TTC13: variants seen among roughly 807,000 people sequenced by gnomAD.
TTC13 encodes tetratricopeptide repeat domain 13.
Under a neutral mutation model 120.0 loss-of-function variants are expected in TTC13, and 62 were observed. The observed-to-expected ratio is 0.52, with a 90% CI of 0.42 to 0.64. The LOEUF (loss-of-function observed/expected upper bound fraction) is 0.64. Ranked by LOEUF, TTC13 falls within the 30% of genes least tolerant of loss-of-function variation. The pLI, the probability that TTC13 is intolerant of heterozygous loss-of-function variation, is 0.00. For synonymous variants in TTC13, 384 were observed against 393.5 expected (o/e 0.98, Z 0.28); for missense variants, 824 against 1,050.2 (o/e 0.78, Z 2.98).
chr1:230,954,254 C>T (rs1267191344), intron 4 of TTC13, 79 bp downstream of exon 4: 2 of 968,542 alleles, frequency 2.1e-6, no homozygotes, highest in Non-Finnish European at 3.2e-6. Context: ...TGTCGTATTA[C>T]AGCACTTCAG....
At chr1:230,907,598 C>T (rs1355002531) in intron 22 of TTC13, among the ~76,000 whole-genome samples, 1 of 152,178 alleles carries the variant, frequency 6.6e-6, no homozygotes, top group Non-Finnish European at 1.5e-5. Flanking sequence ...CATGTGCAAA[C>T]TAATAAGCCT....
intron 2 of TTC13, among the ~76,000 whole-genome samples, chr1:230,959,787 G>A (rs58080613): frequency 0.019 from 2,853 of 152,300 alleles, 86 homozygotes; most frequent in African/African-American, 0.065. Flanking sequence ...AAGTAAGTTT[G>A]AACACACAGC....
At chr1:230,917,958 C>T (rs1384037410) in intron 17 of TTC13, among the ~76,000 whole-genome samples, 6 of 152,106 alleles carry the variant, frequency 3.9e-5, no homozygotes, top group African/African-American at 7.2e-5. Flanking sequence ...CCCTGGGGGG[C>T]GCTGGGGAAA....
At chr1:230,914,922 CTG>C (rs1477709879) in intron 18 of TTC13, among the ~76,000 whole-genome samples, 1 of 152,066 alleles carries the variant, frequency 6.6e-6, no homozygotes, top group African/African-American at 2.4e-5. Flanking sequence ...CAAAGATCAA[CTG>C]TACTTATATA....
intron 9 of TTC13, among the ~76,000 whole-genome samples, chr1:230,933,363 C>T (rs1197597602): frequency 6.6e-6 from 1 of 152,042 alleles, no homozygotes; most frequent in Non-Finnish European, 1.5e-5. Context: ...GTTACAACTT[C>T]TCATTCTCAG....
chr1:230,967,245 G>C (rs1270888039), intron 1 of TTC13, among the ~76,000 whole-genome samples: 1 of 151,716 alleles, frequency 6.6e-6, no homozygotes, highest in East Asian at 1.9e-4. Flanking sequence ...GCTTATTCCT[G>C]ACATTAATAC....
Position 230,908,828 on chromosome 1 carries a change from T to C in TTC13, c.2389-37A>G, listed in dbSNP as rs201484672. The stretch of plus-strand genomic sequence containing the variant: ...AGACATTTAGGAATGTTACTAAACA[T>C]GGAGGACACAGGCTCGGCTGGAGAT... On this transcript the variant is annotated intron_variant, in intron 21 of 22. Coordinates refer to ENST00000366661, the MANE Select transcript of TTC13 (RefSeq NM_024525.5). 1.0e-3 allele frequency: 1,610 copies of C among 1,609,488 alleles called. 4 individuals are homozygous for C. Among genetic ancestry groups the C allele is most frequent in the Admixed American group, 1.6e-3 (98 of 59,918 alleles).
At chr1:230,916,479 C>G (rs1028636325) in intron 17 of TTC13, among the ~76,000 whole-genome samples, 177 bp from the exon 18 acceptor site, 1 of 152,130 alleles carries the variant, frequency 6.6e-6, no homozygotes, top group Non-Finnish European at 1.5e-5. Flanking sequence ...CAGGCCCCAA[C>G]AGAGCCCAGG....
chr1:230,928,327 C>G (rs148547817), intron 12 of TTC13, among the ~76,000 whole-genome samples: 1 of 152,152 alleles, frequency 6.6e-6, no homozygotes, highest in Non-Finnish European at 1.5e-5. Flanking sequence ...GATCTCCATA[C>G]AGATTTTATA....
chr1:230,948,489 CTT>C (rs1300561779), intron 4 of TTC13, among the ~76,000 whole-genome samples: 1 of 142,928 alleles, frequency 7.0e-6, no homozygotes, highest in Admixed American at 7.0e-5. Flanking sequence ...TCTCCTTCCT[CTT>C]TTTTTTTTTT....
At chr1:230,920,629 T>A (rs199715806) in intron 16 of TTC13, 35 bp from the exon 17 acceptor site, 3 of 1,276,272 alleles carry the variant, frequency 2.4e-6, no homozygotes, top group Non-Finnish European at 3.2e-6. Flanking sequence ...GCAACTGAGA[T>A]TAATGCAGAA....
rs755399664 is a variant in TTC13, at chr1:230,961,229, G to A, written c.346C>T (p.Leu116Phe). 1 of 1,613,890 alleles carries A rather than the reference G, an allele frequency of 6.2e-7. No individual in the cohort carries two copies. The highest frequency in any genetic ancestry group is 8.5e-7 in the Non-Finnish European group (1 of 1,179,868). ...GSSPCDSLLS[L>F]NTEKILSQAK... ...CATACCAGAATCTTCTCAGTGTTGAGGGAAAGCAAGGAGTCACAGGGTGAT... is the reference window on the plus strand; with the variant it reads ...CATACCAGAATCTTCTCAGTGTTGAAGGAAAGCAAGGAGTCACAGGGTGAT... Residue 116 changes from leucine (L) to phenylalanine (F), a missense_variant, in exon 2 of 23, where the codon CTC becomes TTC. Leu to Phe is a conservative substitution (Grantham distance 22, BLOSUM62 0). Transcript: ENST00000366661.
At chr1:230,946,418 T>C (rs1675004095) in intron 4 of TTC13, among the ~76,000 whole-genome samples, 1 of 151,924 alleles carries the variant, frequency 6.6e-6, no homozygotes, top group Non-Finnish European at 1.5e-5. Flanking sequence ...CAATGATGAG[T>C]AAATGGGAAA....
chr1:230,966,268 T>G (rs112359769), intron 1 of TTC13, among the ~76,000 whole-genome samples: 9 of 152,316 alleles, frequency 5.9e-5, no homozygotes, highest in African/African-American at 2.2e-4. Flanking sequence ...ATTCCAAAAC[T>G]TTCTTGGCTA....
chr1:230,966,128 CAATA>C (rs1189145836), intron 1 of TTC13, among the ~76,000 whole-genome samples: 6 of 152,050 alleles, frequency 3.9e-5, no homozygotes, highest in African/African-American at 1.4e-4. Context: ...TGTAGCTTCA[CAATA>C]AATAAATGTT....
At chr1:230,908,675 T>G (rs1671181415) in intron 22 of TTC13, 37 bp downstream of exon 22, 6 of 1,572,380 alleles carry the variant, frequency 3.8e-6, no homozygotes, top group Non-Finnish European at 3.5e-6. Flanking sequence ...CTCCTCCAGT[T>G]ATGATACCCT....
At chr1:230,972,641 A>G (rs1435400198) in intron 1 of TTC13, among the ~76,000 whole-genome samples, 4 of 152,226 alleles carry the variant, frequency 2.6e-5, no homozygotes, top group Non-Finnish European at 5.9e-5. Flanking sequence ...TCCTACAGTC[A>G]TGCTCCAGGT....
At chr1:230,958,401 T>G in intron 2 of TTC13, 102 bp from the exon 3 acceptor site, 1 of 1,336,292 alleles carries the variant, frequency 7.5e-7, no homozygotes, top group East Asian at 2.5e-5. Context: ...AAGGCTACAT[T>G]TGATTTAAGT....
At chr1:230,962,690 G>A (rs1676755493) in intron 1 of TTC13, among the ~76,000 whole-genome samples, 1 of 152,226 alleles carries the variant, frequency 6.6e-6, no homozygotes, top group African/African-American at 2.4e-5. Context: ...AATGGTCCAA[G>A]TGTCCATCAA....
Sources: allele counts gnomAD v4.1 joint callset (sites outside exome capture counted in the v4.1 genomes callset), GRCh38; gene constraint gnomAD v4.1.1; transcripts MANE v1.5; gene names NCBI Gene and HGNC (gene_info 2026-07-23, HGNC 2026-07-21).